CYP4B1: variants seen among roughly 807,000 people sequenced by gnomAD.
CYP4B1 encodes the protein cytochrome P450 family 4 subfamily B member 1.
A neutral mutation model predicts 54.0 loss-of-function variants in CYP4B1; 45 were observed. The ratio of observed to expected loss-of-function variants is 0.83; its 90% confidence interval spans 0.66 to 1.07. The LOEUF is 1.07. Ranked by LOEUF, CYP4B1 falls within the 50% of genes least tolerant of loss-of-function variation. The probability of loss-of-function intolerance (pLI) is 0.00; values close to 1 mark genes in which losing one functional copy is unlikely to be tolerated. For missense variants in CYP4B1, 656 were observed against 655.4 expected (o/e 1.00, Z -0.01); for synonymous variants, 248 against 247.5 (o/e 1.00, Z -0.02).
intron 1 of CYP4B1, among the ~76,000 whole-genome samples, chr1:46,807,380 C>CT (rs1397869124): frequency 2.6e-5 from 4 of 152,260 alleles, no homozygotes; most frequent in East Asian, 3.9e-4. Context: ...ATGAGTCTGG[C>CT]TTTTTTGTGA....
intron 1 of CYP4B1, among the ~76,000 whole-genome samples, chr1:46,809,159 A>G (rs1678988713): frequency 6.6e-6 from 1 of 151,790 alleles, no homozygotes; most frequent in South Asian, 2.1e-4. Context: ...AAAAAAATAA[A>G]CAATATGCAA....
chr1:46,813,825 G>C (rs1679212759), intron 5 of CYP4B1, 84 bp from the exon 6 acceptor site: 3 of 1,538,212 alleles, frequency 2.0e-6, no homozygotes, highest in Middle Eastern at 1.7e-4. Flanking sequence ...TCTGTGGTTG[G>C]GGCTAGATTC....
In CYP4B1 at chr1:46,816,947, G is replaced by T. The variant is rs1357323081; in HGVS notation, c.1074-101G>T. 6 of 1,360,424 alleles carry T rather than the reference G, an allele frequency of 4.4e-6. No homozygotes were observed. In the East Asian group the frequency reaches 1.4e-4, roughly 31 times the overall value. 84.3% of individuals were successfully genotyped at this position (1,360,424 alleles called of 1,614,324 possible). Reference sequence around the variant, plus strand: ...AACTCTGTGCCTCTGACTCTTGAGTGTGTGGTGGTGGTGAGGGAGGAAAAC... The same window carrying T: ...AACTCTGTGCCTCTGACTCTTGAGTTTGTGGTGGTGGTGAGGGAGGAAAAC... On this transcript the variant is annotated intron_variant, in intron 8 of 11. Coordinates refer to ENST00000371923, the MANE Select transcript of CYP4B1 (RefSeq NM_001099772.2).
rs1216147120 is a variant in CYP4B1, at chr1:46,800,238, TTTCCTTCCTTCCTTCCTTCCTTCC to T, written c.180+1017_180+1040del. On this transcript the variant is annotated intron_variant, in intron 1 of 11. Transcript: ENST00000371923. ...TTCTCTTTCTCTCTTTCTTTCTTTC[TTTCCTTCCTTCCTTCCTTCCTTCC>T]TTCCTTCCTTCCTTCCTTCCTTCCT... Among the ~76,000 whole-genome samples, 161 of 42,430 alleles carry T rather than the reference TTTCCTTCCTTCCTTCCTTCCTTCC, an allele frequency of 3.8e-3. 13 individuals carry two copies. The highest frequency in any genetic ancestry group is 8.4e-3 in the African/African-American group (122 of 14,536). The allele number at this position is 42,430 out of a possible 152,430, so 27.8% of individuals were successfully genotyped here.
chr1:46,810,665 G>GT, intron 1 of CYP4B1, 143 bp from the exon 2 acceptor site: 1 of 773,634 alleles, frequency 1.3e-6, no homozygotes, highest in East Asian at 2.5e-5. Flanking sequence ...GCCCAGGGAT[G>GT]TTTAGGAGAA....
intron 1 of CYP4B1, among the ~76,000 whole-genome samples, chr1:46,802,993 G>A (rs1049619309): frequency 6.6e-6 from 1 of 152,220 alleles, no homozygotes; most frequent in Non-Finnish European, 1.5e-5. Flanking sequence ...TTGGGGTCTA[G>A]GACATACCTG....
In CYP4B1 at chr1:46,818,676, C is replaced by T. The variant is rs774556066; in HGVS notation, c.1401C>T (p.Val467=). ...TTGCCATGAGTGAGATGAAGGTGGTCACAGCCATGTGCTTGCTCCGCTTTG... is the reference window on the plus strand; with the variant it reads ...TTGCCATGAGTGAGATGAAGGTGGTTACAGCCATGTGCTTGCTCCGCTTTG... The part of the protein sequence containing the change: ...QQFAMSEMKV[V]TAMCLLRFEF... Residue 467 remains valine, a synonymous_variant, in exon 12 of 12, where the codon GTC becomes GTT. Coordinates refer to ENST00000371923, the MANE Select transcript of CYP4B1 (RefSeq NM_001099772.2). 4 of 1,614,198 alleles carry T rather than the reference C, an allele frequency of 2.5e-6. No homozygotes were observed. The highest frequency in any genetic ancestry group is 2.2e-5 in the South Asian group (2 of 91,080).
chr1:46,812,770 G>A, intron 4 of CYP4B1, 147 bp downstream of exon 4: 3 of 910,070 alleles, frequency 3.3e-6, no homozygotes, highest in East Asian at 4.9e-5. Flanking sequence ...CAACAGCAGT[G>A]CCAAAGCCCT....
At position 46,800,242 on chromosome 1, in the gene CYP4B1, C is replaced by CTTTCTTTCT. The variant is rs1557484732; in HGVS notation, c.180+983_180+984insTCTTTCTTT. Among the ~76,000 whole-genome samples the CTTTCTTTCT allele has an allele frequency of 1.1e-4, 9 of 79,656 alleles. No individual in the cohort carries two copies. The East Asian group carries it at 3.0e-3, about 27-fold the overall frequency. 52.3% of individuals were successfully genotyped at this position (79,656 alleles called of 152,430 possible). A position where few individuals can be genotyped will look rare whatever the true frequency, so the allele number is the denominator to read the frequency against. On this transcript the variant is annotated intron_variant, in intron 1 of 11. Transcript: ENST00000371923. ...CTTTCTCTCTTTCTTTCTTTCTTTC[C>CTTTCTTTCT]TTCCTTCCTTCCTTCCTTCCTTCCT...
intron 3 of CYP4B1, among the ~76,000 whole-genome samples, chr1:46,811,932 T>A (rs770991469): frequency 4.6e-5 from 7 of 152,174 alleles, no homozygotes; most frequent in Non-Finnish European, 1.0e-4. Context: ...AACCCTCTTT[T>A]TAGTTATCAA....
intron 1 of CYP4B1, among the ~76,000 whole-genome samples, chr1:46,802,306 G>A (rs567285852): frequency 6.6e-6 from 1 of 152,254 alleles, no homozygotes; most frequent in African/African-American, 2.4e-5. Context: ...TTGACCTTGT[G>A]CTGTGTAGTG....
intron 1 of CYP4B1, among the ~76,000 whole-genome samples, chr1:46,800,201 T>TTC (rs1337001837): frequency 1.1e-4 from 3 of 27,680 alleles, no homozygotes; most frequent in Non-Finnish European, 4.5e-4. Flanking sequence ...TTCTTTCTCT[T>TTC]TCTTTCTTTC....
chr1:46,799,264 A>T lies in CYP4B1; in HGVS notation c.180+3A>T. On this transcript the variant is annotated splice_donor_region_variant and intron_variant, in intron 1 of 11. Coordinates refer to ENST00000371923, the MANE Select transcript of CYP4B1 (RefSeq NM_001099772.2). ...GGCTTTTTGGACATGCCCTCGAGGT[A>T]TGTGGAGGTCGGGAGGGTGGGGGAG... 1 of 1,582,832 alleles carries T rather than the reference A, an allele frequency of 6.3e-7. No individual in the cohort carries two copies. Among genetic ancestry groups the T allele is most frequent in the South Asian group, 1.2e-5 (1 of 86,874 alleles).
intron 1 of CYP4B1, among the ~76,000 whole-genome samples, chr1:46,800,092 G>A (rs978119511): frequency 9.2e-5 from 14 of 152,246 alleles, no homozygotes; most frequent in South Asian, 6.2e-4. Context: ...GGGGAATCCA[G>A]GTAGAGATGC....
rs576462987 is a variant in CYP4B1 at position 46,813,394 on chromosome 1, T to C, written c.496-88T>C. On this transcript the variant is annotated intron_variant, in intron 4 of 11. Coordinates refer to ENST00000371923, the MANE Select transcript of CYP4B1 (RefSeq NM_001099772.2). The stretch of plus-strand genomic sequence containing the variant: ...GGGGGCTTGGTGGTGGAGGATAGGC[T>C]ACGGGTCCTGGAGGGCAGCTTGGGG... The C allele has an allele frequency of 7.2e-4, 1,113 of 1,539,678 alleles. 3 individuals are homozygous for C. Among genetic ancestry groups the C allele is most frequent in the Non-Finnish European group, 5.5e-4 (618 of 1,120,572 alleles).
In CYP4B1 at chr1:46,814,017, T is replaced by C. The variant is rs752844107; in HGVS notation, c.729T>C (p.His243=). 1.5e-5 allele frequency: 25 copies of C among 1,614,148 alleles called. 1 individual carries two copies. The highest frequency in any genetic ancestry group is 3.3e-5 in the Admixed American group (2 of 60,026). ...HNDFIYWLTP[H]GRRFLRACQV... ...ACTTCATCTACTGGCTCACCCCACA[T>C]GGCCGCCGCTTCCTGCGGGCCTGCC... Residue 243 remains histidine, a synonymous_variant, in exon 6 of 12, where the codon CAT becomes CAC. Transcript: ENST00000371923.
At chr1:46,817,491 C>T in intron 9 of CYP4B1, 1 of 457,974 alleles carries the variant, frequency 2.2e-6, no homozygotes, top group East Asian at 4.1e-5. Context: ...CACCAGGGAG[C>T]AACACTCACA....
rs1557484776 is a variant in CYP4B1 at position 46,800,244 on chromosome 1, TCCTTCCTTCCTTCCTTCC to T, written c.180+984_180+1001del. ...TTCTCTCTTTCTTTCTTTCTTTCCTTCCTTCCTTCCTTCCTTCCTTCCTTCCTTCCTTCCTTCCTTCCT... is the reference window on the plus strand; with the variant it reads ...TTCTCTCTTTCTTTCTTTCTTTCCTTTTCCTTCCTTCCTTCCTTCCTTCCT... On this transcript the variant is annotated intron_variant, in intron 1 of 11. Coordinates refer to ENST00000371923, the MANE Select transcript of CYP4B1 (RefSeq NM_001099772.2). Among the ~76,000 whole-genome samples, 8 of 79,218 alleles carry T rather than the reference TCCTTCCTTCCTTCCTTCC, an allele frequency of 1.0e-4. 2 individuals carry two copies. The highest frequency in any genetic ancestry group is 6.1e-4 in the Admixed American group (4 of 6,572). 52.0% of individuals were successfully genotyped at this position (79,218 alleles called of 152,430 possible). A position where few individuals can be genotyped will look rare whatever the true frequency, so the allele number is the denominator to read the frequency against.
intron 1 of CYP4B1, among the ~76,000 whole-genome samples, chr1:46,804,458 G>T (rs1362822837): frequency 2.7e-5 from 4 of 150,876 alleles, no homozygotes; most frequent in Non-Finnish European, 4.4e-5. Flanking sequence ...TAAAGTGAGA[G>T]ACTTGAACAA....
Sources: allele counts gnomAD v4.1 joint callset (sites outside exome capture counted in the v4.1 genomes callset), GRCh38; gene constraint gnomAD v4.1.1; transcripts MANE v1.5; gene names NCBI Gene and HGNC (gene_info 2026-07-23, HGNC 2026-07-21).